Variants in SYTL2 observed in about 807,000 individuals in gnomAD.
The protein encoded by SYTL2 is synaptotagmin-like protein 2.
Under a neutral mutation model 198.7 loss-of-function variants are expected in SYTL2, and 165 were observed. That is an observed-to-expected ratio of 0.83 (90% confidence interval 0.73 to 0.94). The LOEUF is 0.94. SYTL2 is among the 40% of genes least tolerant of loss of function. SYTL2 has a pLI of 0.00. For missense variants in SYTL2, 2,835 were observed against 2,582.8 expected, an observed-to-expected ratio of 1.10 and a Z score of -2.12; for synonymous variants, 966 against 917.7, an observed-to-expected ratio of 1.05 and a Z score of -0.95.
chr11:85,809,631 G>A (rs2093004734), intron 1 of SYTL2, among the ~76,000 whole-genome samples: 1 of 152,326 alleles, frequency 6.6e-6, no homozygotes, highest in East Asian at 1.9e-4. Context: ...ATCTTTCTGA[G>A]CCTGTTTCTC....
At chr11:85,819,741 G>C in the SYTL2 span, among the ~76,000 whole-genome samples, 1 of 152,158 alleles carries the variant, frequency 6.6e-6, no homozygotes, top group Non-Finnish European at 1.5e-5. Flanking sequence ...CATTCAACTG[G>C]ATTCTAGTTA....
the SYTL2 span, among the ~76,000 whole-genome samples, chr11:85,832,437 C>G: frequency 6.6e-6 from 1 of 152,002 alleles, no homozygotes; most frequent in Non-Finnish European, 1.5e-5. Context: ...CCAGGCCCTA[C>G]GTTAGATGTT....
intron 1 of SYTL2, among the ~76,000 whole-genome samples, chr11:85,802,218 T>A (rs2092900145): frequency 8.1e-6 from 1 of 123,430 alleles, no homozygotes; most frequent in Non-Finnish European, 1.8e-5. Context: ...TCTTTTTCTT[T>A]TCTTTTTTTT....
chr11:85,854,303 G>C, the SYTL2 span: 99 of 134,120 alleles, frequency 7.4e-4, no homozygotes, highest in African/African-American at 2.4e-3. Context: ...AAAAAAAAAA[G>C]TTGTCCGTTC....
the SYTL2 span, among the ~76,000 whole-genome samples, chr11:85,838,863 A>G: frequency 2.0e-5 from 3 of 152,224 alleles, no homozygotes; most frequent in Non-Finnish European, 4.4e-5. Context: ...TCATGAAACC[A>G]ACAGCACAAT....
chr11:85,793,700 C>T (rs1183606254), intron 1 of SYTL2, among the ~76,000 whole-genome samples: 1 of 152,182 alleles, frequency 6.6e-6, no homozygotes, highest in East Asian at 1.9e-4. Flanking sequence ...ATTGTTCCAA[C>T]AGACAAAGAA....
chr11:85,759,257 A>G (rs939280794), intron 1 of SYTL2, among the ~76,000 whole-genome samples: 9 of 149,718 alleles, frequency 6.0e-5, no homozygotes, highest in Non-Finnish European at 8.8e-5. Flanking sequence ...AAAAAAAAAA[A>G]AAAGAAAGAA....
chr11:85,805,871 G>A (rs189573364), intron 1 of SYTL2, among the ~76,000 whole-genome samples: 19 of 152,208 alleles, frequency 1.2e-4, no homozygotes, highest in Admixed American at 5.9e-4. Context: ...AACTTATCTC[G>A]GAATAATAAA....
At chr11:85,849,134 T>C in the SYTL2 span, among the ~76,000 whole-genome samples, 1 of 152,354 alleles carries the variant, frequency 6.6e-6, no homozygotes, top group South Asian at 2.1e-4. Flanking sequence ...TTTCTTCCTC[T>C]TAAGAGAATA....
At chr11:85,827,193 T>C in the SYTL2 span, among the ~76,000 whole-genome samples, 1 of 152,228 alleles carries the variant, frequency 6.6e-6, no homozygotes, top group Admixed American at 6.5e-5. Flanking sequence ...AGCAATGCTG[T>C]TGTTACTGAG....
intron 1 of SYTL2, among the ~76,000 whole-genome samples, chr11:85,795,215 T>G (rs2092786024): frequency 6.6e-6 from 1 of 152,148 alleles, no homozygotes; most frequent in South Asian, 2.1e-4. Flanking sequence ...CCACCACCGC[T>G]AAGTTTATTT....
At chr11:85,831,905 G>T in the SYTL2 span, among the ~76,000 whole-genome samples, 1 of 145,460 alleles carries the variant, frequency 6.9e-6, no homozygotes, top group Non-Finnish European at 1.6e-5. Flanking sequence ...TTTGACATAG[G>T]TATACATCCA....
In SYTL2 at chr11:85,725,795, T is replaced by A; in HGVS notation, c.3563A>T (p.Glu1188Val). Residue 1188 changes from glutamate (E) to valine (V), a missense_variant, in exon 8 of 20, where the codon GAG (glutamate) becomes GTG (valine). Glu to Val is a moderately radical substitution (Grantham distance 121). Transcript: ENST00000359152. ...GTCAACATGCTCATTAATGATCTTCTCAGGTCCTTTGACTTCTTCCTCAGT... is the reference window on the plus strand; with the variant it reads ...GTCAACATGCTCATTAATGATCTTCACAGGTCCTTTGACTTCTTCCTCAGT... ...ADTEEEVKGPEKIINEHVDKT... is the reference protein window; with the variant it reads ...ADTEEEVKGPVKIINEHVDKT... 2.5e-6 allele frequency: 4 copies of A among 1,614,162 alleles called. No homozygotes were observed. Among genetic ancestry groups the A allele is most frequent in the Non-Finnish European group, 3.4e-6 (4 of 1,179,988 alleles).
chr11:85,715,418 CAT>C (rs1204372061), intron 11 of SYTL2, among the ~76,000 whole-genome samples: 2 of 151,970 alleles, frequency 1.3e-5, no homozygotes, highest in African/African-American at 4.8e-5. Context: ...TAATAAATAT[CAT>C]ATGATAAAGA....
chr11:85,779,632 C>A (rs2092523119), intron 1 of SYTL2, among the ~76,000 whole-genome samples: 2 of 113,060 alleles, frequency 1.8e-5, no homozygotes, highest in Admixed American at 9.1e-5. Context: ...TAAAACTCAT[C>A]AAGTGTTTTT....
chr11:85,711,430 G>A (rs1418071826), intron 12 of SYTL2, among the ~76,000 whole-genome samples, 198 bp from the exon 13 acceptor site: 1 of 152,208 alleles, frequency 6.6e-6, no homozygotes, highest in Non-Finnish European at 1.5e-5. Flanking sequence ...GAGGAAGGCA[G>A]TGCTTAGCTA....
intron 1 of SYTL2, 77 bp downstream of exon 1, chr11:85,810,877 G>C (rs1255435811): frequency 6.6e-6 from 1 of 152,348 alleles, no homozygotes; most frequent in African/African-American, 2.4e-5. Context: ...AGGAAGCAGA[G>C]ACCAAGAGAG....
chr11:85,704,004 G>A (rs755477381), intron 16 of SYTL2, among the ~76,000 whole-genome samples: 2 of 151,926 alleles, frequency 1.3e-5, no homozygotes, highest in African/African-American at 2.4e-5. Context: ...AGGCAATTAC[G>A]AAAATAAGAA....
At chr11:85,801,241 C>T (rs1027865896) in intron 1 of SYTL2, among the ~76,000 whole-genome samples, 32 of 152,060 alleles carry the variant, frequency 2.1e-4, no homozygotes, top group African/African-American at 7.0e-4. Flanking sequence ...TCTACTATCC[C>T]TAGAACCTTA....
Sources: allele counts gnomAD v4.1 joint callset (sites outside exome capture counted in the v4.1 genomes callset), GRCh38; gene constraint gnomAD v4.1.1; transcripts MANE v1.5; gene names NCBI Gene and HGNC (gene_info 2026-07-23, HGNC 2026-07-21).